Variants in FBXO32 observed in about 807,000 individuals in gnomAD.
FBXO32 encodes the protein F-box protein 32, also known as F-box only protein 32.
A neutral mutation model predicts 48.3 loss-of-function variants in FBXO32; 15 were observed. That is an observed-to-expected ratio of 0.31 (90% CI 0.21 to 0.48). The LOEUF (loss-of-function observed/expected upper bound fraction) is 0.48, where lower values mean the gene tolerates loss of function less well. Among genes scored for constraint, FBXO32 ranks in the 20% least tolerant of loss-of-function variants. The pLI is 0.99. For missense variants in FBXO32, 309 were observed against 432.7 expected (o/e 0.71, Z 2.54); for synonymous variants, 154 against 165.9 (o/e 0.93, Z 0.55).
chr8:123,513,417 G>T lies in FBXO32; in HGVS notation c.467-35C>A. On this transcript the variant is annotated intron_variant, in intron 5 of 8. Transcript: ENST00000517956. This position sits in a 1 kb window ranked among gnomAD's most constrained non-coding sequence, Gnocchi z 4.3. ...GGAAGAAAAAAATAATTAAAGTTAT[G>T]ATACTGGAACACCCTGTATTTTACA... 1.3e-6 allele frequency: 2 copies of T among 1,559,954 alleles called. No homozygotes were observed. The highest frequency in any genetic ancestry group is 1.1e-5 in the South Asian group (1 of 88,120).
At chr8:123,517,941 C>T (rs1816872637) in intron 4 of FBXO32, among the ~76,000 whole-genome samples, 2 of 152,080 alleles carry the variant, frequency 1.3e-5, no homozygotes, top group Admixed American at 1.3e-4. Context: ...TGCAAAGTGC[C>T]AAACAGTAGG....
rs1816578293 is a variant in FBXO32, at chr8:123,504,757, C to G, written c.835-10G>C. 6.2e-7 allele frequency: 1 copy of G among 1,610,704 alleles called. No individual in the cohort carries two copies. The highest frequency in any genetic ancestry group is 8.5e-7 in the Non-Finnish European group (1 of 1,178,690). ...TTAATCGTTTGCGGATCTAAAAAAT[C>G]AAATGAATAAAGGAAATGACAGGAG... On this transcript the variant is annotated splice_polypyrimidine_tract_variant and intron_variant, in intron 7 of 8. Coordinates refer to ENST00000517956, the MANE Select transcript of FBXO32 (RefSeq NM_058229.4).
intron 1 of FBXO32, among the ~76,000 whole-genome samples, chr8:123,538,083 A>G (rs766576179): frequency 5.3e-5 from 8 of 152,154 alleles, no homozygotes; most frequent in Non-Finnish European, 8.8e-5. Context: ...TCTATTTTAT[A>G]TAATTTCAAC....
Position 123,534,761 on chromosome 8 carries a change from T to C in FBXO32, c.170A>G (p.Tyr57Cys). 5 of 1,614,000 alleles carry C rather than the reference T, an allele frequency of 3.1e-6. No individual in the cohort carries two copies. Among genetic ancestry groups the C allele is most frequent in the Non-Finnish European group, 3.4e-6 (4 of 1,179,928 alleles). Residue 57 changes from tyrosine (Y) to cysteine (C), a missense_variant, in exon 2 of 9, where the codon TAT becomes TGT. Physicochemically the swap from Tyr to Cys is radical, Grantham distance 194. Transcript: ENST00000517956. The part of the protein sequence containing the change: ...NKENLFNSLN[Y>C]DVAAKKRKKD... ...CTTTCTCTTCTTGGCTGCAACATCA[T>C]AGTTCAGGCTGTTGAAAAGATTCTC...
intron 1 of FBXO32, among the ~76,000 whole-genome samples, chr8:123,535,563 G>C (rs1817293122): frequency 6.6e-6 from 1 of 152,186 alleles, no homozygotes; most frequent in Non-Finnish European, 1.5e-5. Flanking sequence ...GGATGTACCT[G>C]CCTAATTCAC....
At position 123,513,879 on chromosome 8, in the gene FBXO32, G is replaced by A. The variant is rs1258515728; in HGVS notation, c.466+361C>T. Among the ~76,000 whole-genome samples the A allele has an allele frequency of 4.6e-5, 7 of 152,112 alleles. No individual in the cohort carries two copies. In the East Asian group the frequency reaches 9.6e-4, roughly 21 times the overall value. The stretch of plus-strand genomic sequence containing the variant: ...AGAGACCTAAGGTTCCTTCTAGCTC[G>A]AATAGTCTACGAATCTATTCTGACT... On this transcript the variant is annotated intron_variant, in intron 5 of 8. Transcript: ENST00000517956. The surrounding 1 kb of genome is among the most constrained non-coding windows in gnomAD (Gnocchi z 4.3).
rs1816454211 is a variant in FBXO32 at position 123,500,258 on chromosome 8, G to A, written c.*3115C>T. 1 of 152,044 alleles carries A rather than the reference G, an allele frequency of 6.6e-6. No individual in the cohort carries two copies. The highest frequency in any genetic ancestry group is 1.5e-5 in the Non-Finnish European group (1 of 68,024). The allele number at this position is 152,044 out of a possible 1,614,324, so 9.4% of individuals were successfully genotyped here. A position where few individuals can be genotyped will look rare whatever the true frequency, so the allele number is the denominator to read the frequency against. On this transcript the variant is annotated 3_prime_UTR_variant, in exon 9 of 9. Coordinates refer to ENST00000517956, the MANE Select transcript of FBXO32 (RefSeq NM_058229.4). ...CTAGGCTCACTGCCCATAAACCTTTGAGTTGGACCAAATCTTAACATCCCT... is the reference window on the plus strand; with the variant it reads ...CTAGGCTCACTGCCCATAAACCTTTAAGTTGGACCAAATCTTAACATCCCT...
chr8:123,526,507 G>A (rs918330289), intron 4 of FBXO32, among the ~76,000 whole-genome samples: 5 of 152,058 alleles, frequency 3.3e-5, no homozygotes, highest in Admixed American at 2.0e-4. Context: ...GATTACAGAC[G>A]TGAGCCACCA....
intron 6 of FBXO32, among the ~76,000 whole-genome samples, chr8:123,512,862 G>C (rs1365643050): frequency 6.6e-6 from 1 of 152,144 alleles, no homozygotes; most frequent in African/African-American, 2.4e-5. Context: ...AACAACTCAT[G>C]CTTTAGGAGG....
At chr8:123,504,083 CA>C (rs34656669) in intron 8 of FBXO32, among the ~76,000 whole-genome samples, 20,445 of 88,330 alleles carry the variant, frequency 0.23, 1,286 homozygotes, top group Admixed American at 0.35. Flanking sequence ...GACTCCGTCT[CA>C]AAAAAAAAAA....
At position 123,513,006 on chromosome 8, in the gene FBXO32, T is replaced by C. The variant is rs970598394; in HGVS notation, c.651+192A>G. ...CATCTTTCATGTACTTTGATCCCGTTTTGCCAAGTTTTTCTTCCCACTTCC... is the reference window on the plus strand; with the variant it reads ...CATCTTTCATGTACTTTGATCCCGTCTTGCCAAGTTTTTCTTCCCACTTCC... On this transcript the variant is annotated intron_variant, in intron 6 of 8. Transcript: ENST00000517956. The surrounding 1 kb of genome is among the most constrained non-coding windows in gnomAD (Gnocchi z 4.3). Among the ~76,000 whole-genome samples the C allele has an allele frequency of 4.6e-5, 7 of 152,128 alleles. No individual in the cohort carries two copies. Among genetic ancestry groups the C allele is most frequent in the Non-Finnish European group, 1.0e-4 (7 of 68,034 alleles).
chr8:123,497,894 T>C lies in FBXO32; in HGVS notation c.*5479A>G, dbSNP rs1816385627. ...ACTAAAAATGCACCAGTGTGTGTTG[T>C]TGGAAAAACATTTATTGCAATTCAG... On this transcript the variant is annotated 3_prime_UTR_variant, in exon 9 of 9. Transcript: ENST00000517956. The C allele has an allele frequency of 6.6e-6, 1 of 152,254 alleles. No individual in the cohort carries two copies. Among genetic ancestry groups the C allele is most frequent in the South Asian group, 2.1e-4 (1 of 4,834 alleles). 9.4% of individuals were successfully genotyped at this position (152,254 alleles called of 1,614,324 possible).
In FBXO32 at chr8:123,503,480, G is replaced by C. The variant is rs1265019652; in HGVS notation, c.979-18C>G. ...TCAGTGCCCTGGAAAGGAACACATG[G>C]TTAGCTTCAAGTTCTCAGAGGCCTC... On this transcript the variant is annotated intron_variant, in intron 8 of 8. Transcript: ENST00000517956. 1.2e-6 allele frequency: 2 copies of C among 1,608,970 alleles called. No homozygotes were observed. Among genetic ancestry groups the C allele is most frequent in the African/African-American group, 2.7e-5 (2 of 74,812 alleles).
intron 4 of FBXO32, among the ~76,000 whole-genome samples, chr8:123,527,519 C>T (rs1422976270): frequency 6.6e-6 from 1 of 152,096 alleles, no homozygotes; most frequent in Non-Finnish European, 1.5e-5. Context: ...CTGAGCCTCA[C>T]TGGGGAGAAT....
chr8:123,524,707 G>A (rs753804614), intron 4 of FBXO32, among the ~76,000 whole-genome samples: 2 of 152,038 alleles, frequency 1.3e-5, no homozygotes, highest in Non-Finnish European at 2.9e-5. Context: ...TAGTAGAGAC[G>A]GGGTTTCACC....
Position 123,541,027 on chromosome 8 carries a change from G to C in FBXO32, c.-13C>G. The C allele has an allele frequency of 6.4e-7, 1 of 1,570,584 alleles. No homozygotes were observed. Among genetic ancestry groups the C allele is most frequent in the Non-Finnish European group, 8.7e-7 (1 of 1,149,162 alleles). ...CGAGGAATGGCATGGCACCGCGAGC[G>C]GACTAGACGGATGGGGAGACGGGGC... On this transcript the variant is annotated 5_prime_UTR_variant, in exon 1 of 9. Transcript: ENST00000517956.
At chr8:123,522,216 T>G (rs1816970066) in intron 4 of FBXO32, among the ~76,000 whole-genome samples, 1 of 148,394 alleles carries the variant, frequency 6.7e-6, no homozygotes, top group Non-Finnish European at 1.5e-5. Flanking sequence ...TTTTTTTTTT[T>G]TTTTTTTTTT....
chr8:123,503,318 C>G lies in FBXO32; in HGVS notation c.*55G>C. The G allele has an allele frequency of 6.9e-7, 1 of 1,439,270 alleles. No homozygotes were observed. Among genetic ancestry groups the G allele is most frequent in the Middle Eastern group, 1.8e-4 (1 of 5,706 alleles). 89.2% of individuals were successfully genotyped at this position (1,439,270 alleles called of 1,614,324 possible). On this transcript the variant is annotated 3_prime_UTR_variant, in exon 9 of 9. Transcript: ENST00000517956. ...AAATGAAGTGTCCAAATGCCATATT[C>G]CCAGCTCTCCAGTCAGCAGGGGGAC... is the stretch of plus-strand genomic sequence containing the variant.
At position 123,532,877 on chromosome 8, in the gene FBXO32, G is replaced by C. The variant is rs141072688; in HGVS notation, c.279+314C>G. 3.9e-5 allele frequency among the ~76,000 whole-genome samples: 6 copies of C among 152,316 alleles called. No homozygotes were observed. In the East Asian group the frequency reaches 1.2e-3, roughly 29 times the overall value. ...AGTCCAAAGAGATCTTAGAACAAAAGGGAGACCTTGCCCTGAGGCAAAACC... is the reference window on the plus strand; with the variant it reads ...AGTCCAAAGAGATCTTAGAACAAAACGGAGACCTTGCCCTGAGGCAAAACC... On this transcript the variant is annotated intron_variant, in intron 3 of 8. Transcript: ENST00000517956.
Sources: allele counts gnomAD v4.1 joint callset (sites outside exome capture counted in the v4.1 genomes callset), GRCh38; gene constraint gnomAD v4.1.1; non-coding constraint Gnocchi (gnomAD v3.1); transcripts MANE v1.5; gene names NCBI Gene and HGNC (gene_info 2026-07-23, HGNC 2026-07-21).